PTPRT: variants seen among roughly 807,000 people sequenced by gnomAD.
The protein encoded by PTPRT is protein tyrosine phosphatase receptor type T, also known as receptor-type tyrosine-protein phosphatase T.
In PTPRT, 56 loss-of-function variants were observed where a neutral mutation model predicts 176.8. The observed-to-expected ratio is 0.32, with a 90% CI of 0.26 to 0.40. The LOEUF (loss-of-function observed/expected upper bound fraction) is 0.40, where lower values mean the gene tolerates loss of function less well. Ranked by LOEUF, PTPRT falls within the 10% of genes least tolerant of loss-of-function variation. The pLI is 1.00. For missense variants in PTPRT, 1,540 were observed against 1,908.2 expected (o/e 0.81, Z 3.60); for synonymous variants, 783 against 739.0 (o/e 1.06, Z -0.96).
At chr20:42,659,050 T>C (rs1210488066) in intron 7 of PTPRT, among the ~76,000 whole-genome samples, 1 of 152,210 alleles carries the variant, frequency 6.6e-6, no homozygotes, top group African/African-American at 2.4e-5. Context: ...CATCCTTTTT[T>C]AGTGTTTTTC....
rs371279714 is a variant in PTPRT, at chr20:42,463,708, T to C, written c.1450+8558A>G. ...ATGAGGAATACCAAGGTAGTATATA[T>C]AAAAGCAGATAGCCATGTACAATTC... On this transcript the variant is annotated intron_variant, in intron 8 of 30. Transcript: ENST00000373187. Among the ~76,000 whole-genome samples, 404 of 152,278 alleles carry C rather than the reference T, an allele frequency of 2.7e-3. 16 individuals are homozygous for C. The South Asian group carries it at 0.079, about 30-fold the overall frequency.
intron 16 of PTPRT, among the ~76,000 whole-genome samples, chr20:42,194,426 A>G (rs549415212): frequency 6.6e-6 from 1 of 152,204 alleles, no homozygotes; most frequent in Non-Finnish European, 1.5e-5. Context: ...AACTCATGGT[A>G]CCCAGTAGGC....
chr20:43,016,778 C>A (rs1305591699), intron 1 of PTPRT, among the ~76,000 whole-genome samples: 1 of 151,916 alleles, frequency 6.6e-6, no homozygotes, highest in African/African-American at 2.4e-5. Context: ...TTCAAGTGAT[C>A]CGCCCACCTC....
At chr20:43,174,270 G>A (rs2015074299) in intron 1 of PTPRT, among the ~76,000 whole-genome samples, 1 of 152,086 alleles carries the variant, frequency 6.6e-6, no homozygotes, top group South Asian at 2.1e-4. Flanking sequence ...GTGACCTAGG[G>A]CTTGCTACTT....
In PTPRT at chr20:42,958,402, G is replaced by T. The variant is rs1281390234; in HGVS notation, c.89-72470C>A. Among the ~76,000 whole-genome samples the T allele has an allele frequency of 7.9e-5, 7 of 88,832 alleles. No individual in the cohort carries two copies. The Admixed American group carries it at 8.6e-4, about 11-fold the overall frequency. 58.3% of individuals were successfully genotyped at this position (88,832 alleles called of 152,430 possible). A position where few individuals can be genotyped will look rare whatever the true frequency, so the allele number is the denominator to read the frequency against. On this transcript the variant is annotated intron_variant, in intron 1 of 30. Transcript: ENST00000373187. ...AAAGCAAGGGAGGAAAGGGAATGGT[G>T]GGAAAGGGAAGAAGGGAGGAAAGGA...
chr20:42,516,732 C>G (rs1046874984), intron 7 of PTPRT, among the ~76,000 whole-genome samples: 6 of 152,016 alleles, frequency 3.9e-5, no homozygotes, highest in Non-Finnish European at 1.5e-5. Flanking sequence ...AGTGGTTGTA[C>G]CAAGATTCAC....
At chr20:42,652,638 G>T (rs150463651) in intron 7 of PTPRT, among the ~76,000 whole-genome samples, 13 of 152,234 alleles carry the variant, frequency 8.5e-5, no homozygotes, top group African/African-American at 2.6e-4. Flanking sequence ...CTTTGCTGCT[G>T]GGAGGCTACT....
chr20:42,444,133 CTG>C (rs1337582147), intron 9 of PTPRT, among the ~76,000 whole-genome samples: 1 of 152,194 alleles, frequency 6.6e-6, no homozygotes, highest in East Asian at 1.9e-4. Context: ...TCACTGTCCT[CTG>C]TGCTCAGGAG....
chr20:42,329,556 G>T (rs1355990574), intron 11 of PTPRT, among the ~76,000 whole-genome samples: 3 of 151,614 alleles, frequency 2.0e-5, no homozygotes, highest in Admixed American at 6.6e-5. Flanking sequence ...AGACTGGAAG[G>T]AGTATTCAAT....
intron 7 of PTPRT, among the ~76,000 whole-genome samples, chr20:42,608,460 A>C (rs1419735669): frequency 6.6e-6 from 1 of 152,196 alleles, no homozygotes; most frequent in Non-Finnish European, 1.5e-5. Flanking sequence ...GGGGCAGGGC[A>C]GGAGGAAGGA....
At chr20:42,947,164 A>G (rs1483982014) in intron 1 of PTPRT, among the ~76,000 whole-genome samples, 1 of 152,146 alleles carries the variant, frequency 6.6e-6, no homozygotes, top group Non-Finnish European at 1.5e-5. Flanking sequence ...TGCCCGTACT[A>G]CCTGCATTCC....
At chr20:42,945,119 T>C (rs1225170957) in intron 1 of PTPRT, among the ~76,000 whole-genome samples, 2 of 148,910 alleles carry the variant, frequency 1.3e-5, no homozygotes, top group Non-Finnish European at 3.0e-5. Flanking sequence ...TATTTATATA[T>C]ATACTTTATA....
At chr20:43,042,398 T>A (rs1474956557) in intron 1 of PTPRT, among the ~76,000 whole-genome samples, 1 of 151,894 alleles carries the variant, frequency 6.6e-6, no homozygotes, top group Admixed American at 6.6e-5. Context: ...AAAGCCAAAC[T>A]TGTCCTGCCC....
intron 1 of PTPRT, among the ~76,000 whole-genome samples, chr20:42,894,895 G>A (rs935241885): frequency 1.3e-5 from 2 of 152,158 alleles, no homozygotes; most frequent in African/African-American, 4.8e-5. Context: ...CTTAAAGTCA[G>A]GAAGGCAGGC....
chr20:42,363,489 T>C (rs1292382239), intron 9 of PTPRT, among the ~76,000 whole-genome samples: 1 of 150,890 alleles, frequency 6.6e-6, no homozygotes, highest in African/African-American at 2.4e-5. Flanking sequence ...TTTGTATTTT[T>C]AGTAGAGACG....
chr20:42,043,492 G>A, the PTPRT span, among the ~76,000 whole-genome samples: 18 of 152,170 alleles, frequency 1.2e-4, no homozygotes, highest in Non-Finnish European at 2.4e-4. Context: ...GTATAGAGAT[G>A]AGGGGTGAGT....
At chr20:42,648,259 C>T (rs186847480) in intron 7 of PTPRT, among the ~76,000 whole-genome samples, 10 of 152,202 alleles carry the variant, frequency 6.6e-5, no homozygotes, top group Middle Eastern at 3.4e-3. Flanking sequence ...GGGTCCTTCA[C>T]GAACATGCTT....
At chr20:42,628,342 G>C (rs931161997) in intron 7 of PTPRT, among the ~76,000 whole-genome samples, 1 of 152,088 alleles carries the variant, frequency 6.6e-6, no homozygotes, top group Admixed American at 6.6e-5. Context: ...CAGCTCACCT[G>C]TATAGCGCTA....
chr20:42,889,557 G>A (rs756047324), intron 1 of PTPRT, among the ~76,000 whole-genome samples: 2 of 152,192 alleles, frequency 1.3e-5, no homozygotes, highest in Non-Finnish European at 2.9e-5. Context: ...TCACTCTGGG[G>A]ACCTTAATGT....
Sources: gnomAD v4.1 joint callset for allele counts (sites outside exome capture counted in the v4.1 genomes callset) on GRCh38, gnomAD v4.1.1 for gene constraint, MANE v1.5 for transcripts, NCBI Gene and HGNC (gene_info 2026-07-23, HGNC 2026-07-21) for gene names.